CORO2B: variants seen among roughly 807,000 people sequenced by gnomAD.
CORO2B encodes the protein coronin 2B.
CORO2B carries 26 observed loss-of-function variants against 58.8 expected under a neutral mutation model. That is an observed-to-expected ratio of 0.44 (90% CI 0.32 to 0.61). The LOEUF (loss-of-function observed/expected upper bound fraction) is 0.61, where lower values mean the gene tolerates loss of function less well. CORO2B is among the 20% of genes least tolerant of loss of function. CORO2B has a pLI of 0.04. For missense variants in CORO2B, 460 were observed against 645.1 expected (o/e 0.71, Z 3.11); for synonymous variants, 242 against 253.8 (o/e 0.95, Z 0.44).
At chr15:68,700,801 G>T (rs1009172205) in intron 3 of CORO2B, among the ~76,000 whole-genome samples, 66 of 21,510 alleles carry the variant, frequency 3.1e-3, no homozygotes, top group Non-Finnish European at 3.6e-3. Context: ...GCCAGCAGCC[G>T]CGGAGAGAGA....
At chr15:68,664,184 C>A (rs893707962) in intron 2 of CORO2B, among the ~76,000 whole-genome samples, 2 of 152,048 alleles carry the variant, frequency 1.3e-5, no homozygotes, top group African/African-American at 4.8e-5. Flanking sequence ...CAGCTAAGAT[C>A]TCTGTAATTT....
intron 1 of CORO2B, among the ~76,000 whole-genome samples, chr15:68,606,968 C>T (rs961366447): frequency 9.9e-5 from 15 of 152,200 alleles, no homozygotes; most frequent in Admixed American, 8.5e-4. Context: ...TCAGAGCCTT[C>T]ACACCCAAAG....
chr15:68,718,086 GC>G (rs2140332741), intron 8 of CORO2B, among the ~76,000 whole-genome samples: 1 of 152,194 alleles, frequency 6.6e-6, no homozygotes, highest in Admixed American at 6.5e-5. Flanking sequence ...CCACCACACT[GC>G]CCCTCATCCC....
intron 2 of CORO2B, among the ~76,000 whole-genome samples, chr15:68,666,759 G>C (rs1309822409): frequency 1.3e-5 from 2 of 151,888 alleles, no homozygotes; most frequent in Admixed American, 1.3e-4. Flanking sequence ...TGCTGGACAG[G>C]GCCTTGATGT....
intron 2 of CORO2B, among the ~76,000 whole-genome samples, chr15:68,673,646 G>C (rs192631219): frequency 1.8e-3 from 268 of 152,156 alleles, no homozygotes; most frequent in African/African-American, 6.3e-3. Context: ...GAGACCAGCT[G>C]GCCAACATAG....
chr15:68,580,769 A>G (rs992590051), intron 1 of CORO2B, among the ~76,000 whole-genome samples: 4 of 152,134 alleles, frequency 2.6e-5, no homozygotes, highest in African/African-American at 9.7e-5. Context: ...GGGCCCGGCT[A>G]GAGAGAGAAA....
chr15:68,549,057 T>C, the CORO2B span, among the ~76,000 whole-genome samples: 3 of 152,038 alleles, frequency 2.0e-5, no homozygotes, highest in Non-Finnish European at 4.4e-5. Flanking sequence ...CTCCTCTTCT[T>C]CCTTCCTTTC....
chr15:68,696,231 C>T (rs1379128129), intron 3 of CORO2B, among the ~76,000 whole-genome samples: 1 of 141,832 alleles, frequency 7.1e-6, no homozygotes, highest in African/African-American at 2.7e-5. Flanking sequence ...GCTTGGGTGA[C>T]AGAATGAGCC....
At chr15:68,696,731 A>G (rs899982575) in intron 3 of CORO2B, among the ~76,000 whole-genome samples, 1 of 152,178 alleles carries the variant, frequency 6.6e-6, no homozygotes, top group Admixed American at 6.5e-5. Context: ...GAGCAGCATC[A>G]GTACACCAGC....
intron 1 of CORO2B, among the ~76,000 whole-genome samples, chr15:68,602,522 C>T (rs1339239258): frequency 4.6e-5 from 7 of 152,064 alleles, no homozygotes; most frequent in Admixed American, 3.9e-4. Flanking sequence ...GAGCAAAAAG[C>T]GCTCTTGCTG....
At chr15:68,654,139 G>A (rs1901729211) in intron 2 of CORO2B, among the ~76,000 whole-genome samples, 1 of 152,230 alleles carries the variant, frequency 6.6e-6, no homozygotes. Context: ...TTGACAGCTT[G>A]CTTTGTGTTT....
chr15:68,546,494 T>C, the CORO2B span, among the ~76,000 whole-genome samples: 1 of 152,178 alleles, frequency 6.6e-6, no homozygotes, highest in East Asian at 1.9e-4. Flanking sequence ...CTGGCTACTG[T>C]GTGTGGGTTT....
intron 1 of CORO2B, among the ~76,000 whole-genome samples, chr15:68,614,686 C>T (rs769747757): frequency 3.9e-5 from 6 of 152,296 alleles, no homozygotes; most frequent in East Asian, 1.9e-4. Context: ...TCAGGACTCC[C>T]GGGAGCCCTC....
At chr15:68,707,030 G>A (rs1214777763) in intron 3 of CORO2B, among the ~76,000 whole-genome samples, 1 of 151,918 alleles carries the variant, frequency 6.6e-6, no homozygotes, top group Non-Finnish European at 1.5e-5. Context: ...GCACAATCTC[G>A]GCTCACTGCA....
intron 2 of CORO2B, among the ~76,000 whole-genome samples, chr15:68,646,442 G>A (rs1428267429): frequency 1.3e-5 from 2 of 152,164 alleles, no homozygotes; most frequent in Non-Finnish European, 2.9e-5. Flanking sequence ...GTCAGCTGGT[G>A]GTGGAGGATG....
At chr15:68,722,958 T>C (rs1158585184) in intron 11 of CORO2B, among the ~76,000 whole-genome samples, 2 of 151,758 alleles carry the variant, frequency 1.3e-5, no homozygotes, top group Admixed American at 6.6e-5. Context: ...TCCCAGCTAC[T>C]CGGGAGGCTG....
At chr15:68,530,193 C>G in the CORO2B span, among the ~76,000 whole-genome samples, 277 of 152,230 alleles carry the variant, frequency 1.8e-3, 2 homozygotes, top group African/African-American at 6.2e-3. Flanking sequence ...GGCATGGTGG[C>G]AGGCGCCTGT....
chr15:68,636,752 G>T (rs1261870932), intron 1 of CORO2B, among the ~76,000 whole-genome samples: 1 of 152,174 alleles, frequency 6.6e-6, no homozygotes, highest in East Asian at 1.9e-4. Context: ...GTGGAGGTTT[G>T]GATTGATTCT....
At chr15:68,625,984 C>T (rs1023918819) in intron 1 of CORO2B, among the ~76,000 whole-genome samples, 3 of 152,118 alleles carry the variant, frequency 2.0e-5, no homozygotes, top group Non-Finnish European at 4.4e-5. Flanking sequence ...GTTTGTGTTC[C>T]ATCCTGTGGA....
Sources: gnomAD v4.1 joint callset for allele counts (sites outside exome capture counted in the v4.1 genomes callset) on GRCh38, gnomAD v4.1.1 for gene constraint, MANE v1.5 for transcripts, NCBI Gene and HGNC (gene_info 2026-07-23, HGNC 2026-07-21) for gene names.